Variants in STK17B observed in about 807,000 individuals in gnomAD.
The protein encoded by STK17B is serine/threonine kinase 17b.
Under a neutral mutation model 42.0 loss-of-function variants are expected in STK17B, and 21 were observed. The ratio of observed to expected loss-of-function variants is 0.50; its 90% confidence interval spans 0.35 to 0.72. The LOEUF is 0.72. Ranked by LOEUF, STK17B falls within the 30% of genes least tolerant of loss-of-function variation. The pLI, the probability that STK17B is intolerant of heterozygous loss-of-function variation, is 0.00. For synonymous variants in STK17B, 143 were observed against 148.4 expected, an observed-to-expected ratio of 0.96 and a Z score of 0.26; for missense variants, 349 against 446.0, an observed-to-expected ratio of 0.78 and a Z score of 1.96.
chr2:196,137,417 T>A lies in STK17B; in HGVS notation c.*30A>T, dbSNP rs371512363. 3 of 1,594,788 alleles carry A rather than the reference T, an allele frequency of 1.9e-6. No individual in the cohort carries two copies. The African/African-American group carries it at 4.1e-5, about 22-fold the overall frequency. On this transcript the variant is annotated 3_prime_UTR_variant, in exon 8 of 8. Transcript: ENST00000263955. ...ACTGGAGTGGATATAAAATTTCAAATTCAGTCCAAATGAGTCAAAGAAAAA... is the reference window on the plus strand; with the variant it reads ...ACTGGAGTGGATATAAAATTTCAAAATCAGTCCAAATGAGTCAAAGAAAAA...
chr2:196,157,326 A>G (rs1699753483), intron 2 of STK17B, among the ~76,000 whole-genome samples: 1 of 152,212 alleles, frequency 6.6e-6, no homozygotes, highest in Non-Finnish European at 1.5e-5. Context: ...TAGTCAAGGT[A>G]AAGATTTAAA....
chr2:196,168,072 T>C (rs1267019707), intron 1 of STK17B, among the ~76,000 whole-genome samples: 1 of 152,228 alleles, frequency 6.6e-6, no homozygotes, highest in Non-Finnish European at 1.5e-5. Flanking sequence ...GAAGAGATTA[T>C]ATTCCTCATA....
chr2:196,142,693 G>A (rs1380213959), intron 5 of STK17B, among the ~76,000 whole-genome samples: 1 of 152,158 alleles, frequency 6.6e-6, no homozygotes, highest in Non-Finnish European at 1.5e-5. Flanking sequence ...ACTTCTGTGA[G>A]CTGTGTTACC....
chr2:196,160,199 C>A (rs537678136), intron 2 of STK17B, among the ~76,000 whole-genome samples: 1 of 127,262 alleles, frequency 7.9e-6, no homozygotes, highest in African/African-American at 2.6e-5. Flanking sequence ...CTAGTAGTTA[C>A]CCTTCTGCAT....
chr2:196,159,817 A>G (rs1037294981), intron 2 of STK17B, among the ~76,000 whole-genome samples: 8 of 152,240 alleles, frequency 5.3e-5, no homozygotes, highest in African/African-American at 1.7e-4. Flanking sequence ...TATCTGTTGA[A>G]TGAATGCCAG....
chr2:196,163,558 C>A, intron 1 of STK17B, 131 bp from the exon 2 acceptor site: 1 of 685,588 alleles, frequency 1.5e-6, no homozygotes, highest in South Asian at 4.1e-5. Context: ...ATTCTATCCA[C>A]AAGGAGGAAA....
At position 196,134,370 on chromosome 2, in the gene STK17B, T is replaced by C. The variant is rs930815633; in HGVS notation, c.*3077A>G. 6.6e-6 allele frequency: 1 copy of C among 152,166 alleles called. No homozygotes were observed. The highest frequency in any genetic ancestry group is 1.5e-5 in the Non-Finnish European group (1 of 68,042). 9.4% of individuals were successfully genotyped at this position (152,166 alleles called of 1,614,324 possible). Reference sequence around the variant, plus strand: ...GCTCAGTTTCCTGTTAGATCAGCCATGGCATTAGATTCTCAAAGGAGCTCG... The same window carrying C: ...GCTCAGTTTCCTGTTAGATCAGCCACGGCATTAGATTCTCAAAGGAGCTCG... On this transcript the variant is annotated 3_prime_UTR_variant, in exon 8 of 8. Transcript: ENST00000263955.
intron 3 of STK17B, chr2:196,154,384 C>T (rs1699711517): frequency 6.6e-6 from 1 of 152,134 alleles, no homozygotes; most frequent in African/African-American, 2.4e-5. Flanking sequence ...TTAGCAAAAC[C>T]AGTAATAAAA....
At chr2:196,166,781 G>T (rs1699879018) in intron 1 of STK17B, among the ~76,000 whole-genome samples, 1 of 152,084 alleles carries the variant, frequency 6.6e-6, no homozygotes, top group Non-Finnish European at 1.5e-5. Flanking sequence ...GTGAACAAAA[G>T]CAAGACTATC....
rs1407984775 is a variant in STK17B, at chr2:196,137,429, G to A, written c.*18C>T. On this transcript the variant is annotated 3_prime_UTR_variant, in exon 8 of 8. Coordinates refer to ENST00000263955, the MANE Select transcript of STK17B (RefSeq NM_004226.4). ...ATAAAATTTCAAATTCAGTCCAAAT[G>A]AGTCAAAGAAAAAAGTGCTAACAGA... The A allele has an allele frequency of 3.1e-6, 5 of 1,606,658 alleles. No homozygotes were observed. The South Asian group carries it at 4.4e-5, about 14-fold the overall frequency.
chr2:196,145,900 C>T lies in STK17B; in HGVS notation c.480+11G>A, dbSNP rs373006677. On this transcript the variant is annotated intron_variant, in intron 4 of 7. Transcript: ENST00000263955. The stretch of plus-strand genomic sequence containing the variant: ...ACAGATGTTGCATTACTTTAAATCA[C>T]GTTACGTTACCTTTAAATCAAGGTG... 315 of 1,555,344 alleles carry T rather than the reference C, an allele frequency of 2.0e-4. 1 individual carries two copies. Among genetic ancestry groups the T allele is most frequent in the Middle Eastern group, 1.5e-3 (7 of 4,814 alleles).
At chr2:196,144,484 CTCAAAAAAAAAAAA>C (rs1260637106) in intron 4 of STK17B, among the ~76,000 whole-genome samples, 1 of 54,090 alleles carries the variant, frequency 1.8e-5, no homozygotes, top group Non-Finnish European at 3.0e-5. Flanking sequence ...GAGACTCTGT[CTCAAAAAAAAAAAA>C]AAAAAAAAAA....
chr2:196,163,080 A>T (rs1156581859), intron 2 of STK17B, among the ~76,000 whole-genome samples, 182 bp downstream of exon 2: 1 of 152,066 alleles, frequency 6.6e-6, no homozygotes, highest in Middle Eastern at 3.2e-3. Flanking sequence ...AAGTTCACTA[A>T]ACCCTCCACA....
chr2:196,157,813 C>A lies in STK17B; in HGVS notation c.123-1162G>T, dbSNP rs1347362385. Among the ~76,000 whole-genome samples the A allele has an allele frequency of 2.0e-5, 3 of 152,224 alleles. No individual in the cohort carries two copies. In the East Asian group the frequency reaches 5.8e-4, roughly 29 times the overall value. ...CATACGTGTTACTGTAAGTCTACAG[C>A]GGCCAAAAATTTATTTTCACAAAAG... is the stretch of plus-strand genomic sequence containing the variant. On this transcript the variant is annotated intron_variant, in intron 2 of 7. Coordinates refer to ENST00000263955, the MANE Select transcript of STK17B (RefSeq NM_004226.4).
At chr2:196,169,885 C>T (rs1699917627) in intron 1 of STK17B, among the ~76,000 whole-genome samples, 1 of 145,728 alleles carries the variant, frequency 6.9e-6, no homozygotes. Flanking sequence ...TGGATCCCTA[C>T]TTTAGAAAAA....
intron 3 of STK17B, chr2:196,154,264 A>T (rs907738921): frequency 6.6e-6 from 1 of 152,286 alleles, no homozygotes; most frequent in African/African-American, 2.4e-5. Context: ...CAACAACAAA[A>T]GATAATAATC....
Position 196,161,539 on chromosome 2 carries a change from G to T in STK17B, c.122+1723C>A, listed in dbSNP as rs142991950. ...TTTTTTTTTTTTTTTTTTTTTTTGA[G>T]ACAAAGTCTCACTGTGTTGCCCAAG... On this transcript the variant is annotated intron_variant, in intron 2 of 7. Coordinates refer to ENST00000263955, the MANE Select transcript of STK17B (RefSeq NM_004226.4). Among the ~76,000 whole-genome samples the T allele has an allele frequency of 2.8e-3, 173 of 62,638 alleles. 1 individual carries two copies. Among genetic ancestry groups the T allele is most frequent in the African/African-American group, 0.012 (152 of 12,812 alleles). The allele number at this position is 62,638 out of a possible 152,430, so 41.1% of individuals were successfully genotyped here.
At chr2:196,143,731 G>T (rs745327537) in intron 4 of STK17B, 45 bp from the exon 5 acceptor site, 2 of 1,413,832 alleles carry the variant, frequency 1.4e-6, no homozygotes, top group East Asian at 5.1e-5. Flanking sequence ...ATACAAAAAA[G>T]CATACTAGTC....
At chr2:196,153,323 C>T (rs944504348) in intron 3 of STK17B, 1 of 144,256 alleles carries the variant, frequency 6.9e-6, no homozygotes, top group Admixed American at 7.1e-5. Context: ...TATGCTGAAA[C>T]TATTTTGTAC....
Sources: gnomAD v4.1 joint callset for allele counts (sites outside exome capture counted in the v4.1 genomes callset) on GRCh38, gnomAD v4.1.1 for gene constraint, MANE v1.5 for transcripts, NCBI Gene and HGNC (gene_info 2026-07-23, HGNC 2026-07-21) for gene names.